Variants in ASH2L observed in about 807,000 individuals in gnomAD.
ASH2L encodes the protein set1/Ash2 histone methyltransferase complex subunit ASH2.
Under a neutral mutation model 81.1 loss-of-function variants are expected in ASH2L, and 30 were observed. That is an observed-to-expected ratio of 0.37 (90% CI 0.28 to 0.50). The LOEUF (loss-of-function observed/expected upper bound fraction) is 0.50. Ranked by LOEUF, ASH2L falls within the 20% of genes least tolerant of loss-of-function variation. ASH2L has a pLI of 0.95. For missense variants in ASH2L, 559 were observed against 792.1 expected (o/e 0.71, Z 3.53); for synonymous variants, 273 against 279.9 (o/e 0.98, Z 0.24).
chr8:38,107,216 G>C, intron 3 of ASH2L, 50 bp downstream of exon 3: 1 of 1,606,232 alleles, frequency 6.2e-7, no homozygotes, highest in Admixed American at 1.7e-5. Flanking sequence ...AAATAAATCT[G>C]AACATGCTCA....
chr8:38,122,834 C>T (rs933720297), intron 10 of ASH2L, among the ~76,000 whole-genome samples: 1 of 152,200 alleles, frequency 6.6e-6, no homozygotes, highest in African/African-American at 2.4e-5. Flanking sequence ...GCCTCAACCT[C>T]CTGGGCTCAA....
chr8:38,119,244 G>T, intron 8 of ASH2L, 26 bp from the exon 9 acceptor site: 1 of 1,547,014 alleles, frequency 6.5e-7, no homozygotes, highest in South Asian at 1.2e-5. Context: ...GTGGCTCATT[G>T]AAAGCAATCT....
At chr8:38,112,031 G>A (rs570696517) in intron 5 of ASH2L, among the ~76,000 whole-genome samples, 1 of 152,162 alleles carries the variant, frequency 6.6e-6, no homozygotes, top group South Asian at 2.1e-4. Context: ...TTATTCAGTT[G>A]GGTTTTGCTC....
intron 7 of ASH2L, 107 bp from the exon 8 acceptor site, chr8:38,116,543 G>A (rs1439195880): frequency 1.4e-5 from 12 of 888,538 alleles, no homozygotes; most frequent in Non-Finnish European, 1.6e-5. Flanking sequence ...AGAAAAAAAA[G>A]AATTGTCAAT....
At chr8:38,117,333 C>T (rs1333868131) in intron 8 of ASH2L, 4 of 446,114 alleles carry the variant, frequency 9.0e-6, no homozygotes, top group Non-Finnish European at 1.2e-5. Flanking sequence ...ATCATTTCTA[C>T]TGTTACTAAT....
intron 2 of ASH2L, 40 bp downstream of exon 2, chr8:38,106,484 G>C: frequency 7.5e-7 from 1 of 1,329,070 alleles, no homozygotes; most frequent in Non-Finnish European, 1.1e-6. Flanking sequence ...AATAGGGTTT[G>C]TTTTAGTTAT....
At chr8:38,116,250 C>T (rs1437311605) in intron 7 of ASH2L, among the ~76,000 whole-genome samples, 1 of 152,112 alleles carries the variant, frequency 6.6e-6, no homozygotes, top group Non-Finnish European at 1.5e-5. Flanking sequence ...CCTCTAATCC[C>T]AGCTACTCAG....
chr8:38,121,251 C>T (rs1395344256), intron 10 of ASH2L, 102 bp downstream of exon 10: 1 of 976,810 alleles, frequency 1.0e-6, no homozygotes, highest in African/African-American at 1.6e-5. Flanking sequence ...TCTGTTGCCA[C>T]TGCCTCACCC....
Position 38,130,628 on chromosome 8 carries a change from T to C in ASH2L, c.1527+1677T>C, listed in dbSNP as rs951573762. On this transcript the variant is annotated intron_variant, in intron 12 of 15. Coordinates refer to ENST00000343823, the MANE Select transcript of ASH2L (RefSeq NM_004674.5). ...TTTTTTTTTTTCTTTAGATGGAGTC[T>C]CGCTCTGTTGCCCAGGCTGGAGTGC... Among the ~76,000 whole-genome samples the C allele has an allele frequency of 3.3e-5, 5 of 152,034 alleles. 1 individual carries two copies. Among genetic ancestry groups the C allele is most frequent in the Non-Finnish European group, 2.9e-5 (2 of 68,024 alleles).
At chr8:38,110,499 A>T (rs761373235) in intron 4 of ASH2L, 32 bp downstream of exon 4, 1 of 1,579,514 alleles carries the variant, frequency 6.3e-7, no homozygotes, top group African/African-American at 1.3e-5. Flanking sequence ...TTTGAAGATG[A>T]TTATCCACTG....
At chr8:38,105,766 C>T in intron 1 of ASH2L, 28 bp downstream of exon 1, 10 of 1,501,352 alleles carry the variant, frequency 6.7e-6, no homozygotes, top group South Asian at 1.3e-5. Context: ...CCGAGGAAGA[C>T]GCGGGAGGGA....
At chr8:38,135,358 A>G (rs556731697) in intron 13 of ASH2L, among the ~76,000 whole-genome samples, 45 of 152,104 alleles carry the variant, frequency 3.0e-4, no homozygotes, top group African/African-American at 1.1e-3. Flanking sequence ...CTGATGTGGG[A>G]GGATCACTTG....
intron 7 of ASH2L, among the ~76,000 whole-genome samples, chr8:38,116,320 C>T (rs563042470): frequency 3.4e-4 from 52 of 152,140 alleles, no homozygotes; most frequent in African/African-American, 1.1e-3. Context: ...AAGCCGATAT[C>T]GCGCCACTGC....
Position 38,128,316 on chromosome 8 carries a change from C to T in ASH2L, c.1191C>T (p.Asp397=). ...CTCCCCAGTTAAAGATCTCAGATGA[C>T]CGGCTGACTGTGGTTGGAGAGAAGG... ...DRAPQLKISD[D]RLTVVGEKGY... is the part of the protein sequence containing the mutation. Residue 397 remains aspartate, a synonymous_variant, in exon 11 of 16, where the codon GAC becomes GAT. Transcript: ENST00000343823. 1 of 1,614,162 alleles carries T rather than the reference C, an allele frequency of 6.2e-7. No homozygotes were observed. The highest frequency in any genetic ancestry group is 8.5e-7 in the Non-Finnish European group (1 of 1,180,034).
At chr8:38,122,830 A>AC (rs766830330) in intron 10 of ASH2L, among the ~76,000 whole-genome samples, 37 of 152,142 alleles carry the variant, frequency 2.4e-4, no homozygotes, top group Admixed American at 1.6e-3. Context: ...TGCAGCCTCA[A>AC]CCTCCTGGGC....
rs1811044084 is a variant in ASH2L, at chr8:38,119,447, A to C, written c.947+84A>C. The C allele has an allele frequency of 7.0e-6, 8 of 1,144,914 alleles. No homozygotes were observed. In the South Asian group the frequency reaches 1.4e-4, roughly 20 times the overall value. 70.9% of individuals were successfully genotyped at this position (1,144,914 alleles called of 1,614,324 possible). Reference sequence around the variant, plus strand: ...AGTCCAGCAGAGGGAAGAGAGTTCAAGGGTCGGAGGTTAAAAAGCCTGTCC... The same window carrying C: ...AGTCCAGCAGAGGGAAGAGAGTTCACGGGTCGGAGGTTAAAAAGCCTGTCC... On this transcript the variant is annotated intron_variant, in intron 9 of 15. Coordinates refer to ENST00000343823, the MANE Select transcript of ASH2L (RefSeq NM_004674.5).
At chr8:38,121,242 C>T in intron 10 of ASH2L, 93 bp downstream of exon 10, 3 of 1,085,660 alleles carry the variant, frequency 2.8e-6, no homozygotes, top group East Asian at 2.5e-5. Context: ...ACATCTCAGT[C>T]TGTTGCCACT....
intron 3 of ASH2L, among the ~76,000 whole-genome samples, chr8:38,107,607 T>C (rs1399990823): frequency 2.6e-5 from 4 of 152,132 alleles, no homozygotes; most frequent in Non-Finnish European, 4.4e-5. Context: ...ACTCACTCCT[T>C]TAGGTATATT....
intron 10 of ASH2L, chr8:38,123,237 A>C (rs1393125412): frequency 6.6e-6 from 1 of 151,970 alleles, no homozygotes; most frequent in Non-Finnish European, 1.5e-5. Context: ...GGCACGTGCC[A>C]CCACGCCCGG....
Sources: gnomAD v4.1 joint callset for allele counts (sites outside exome capture counted in the v4.1 genomes callset) on GRCh38, gnomAD v4.1.1 for gene constraint, MANE v1.5 for transcripts, NCBI Gene and HGNC (gene_info 2026-07-23, HGNC 2026-07-21) for gene names.